TRPC7: variants seen among roughly 807,000 people sequenced by gnomAD.
TRPC7 encodes short transient receptor potential channel 7.
Under a neutral mutation model 90.1 loss-of-function variants are expected in TRPC7, and 42 were observed. The ratio of observed to expected loss-of-function variants is 0.47; its 90% confidence interval spans 0.36 to 0.60. TRPC7 has a LOEUF of 0.60. TRPC7 is among the 20% of genes least tolerant of loss of function. The pLI is 0.00. For missense variants in TRPC7, 955 were observed against 1,112.3 expected, an observed-to-expected ratio of 0.86 and a Z score of 2.01; for synonymous variants, 451 against 436.3, an observed-to-expected ratio of 1.03 and a Z score of -0.42.
intron 3 of TRPC7, among the ~76,000 whole-genome samples, chr5:136,306,805 C>T (rs985098176): frequency 4.3e-4 from 65 of 152,268 alleles, no homozygotes; most frequent in African/African-American, 1.4e-3. Context: ...TTGTAATTCT[C>T]CCCACCCTTG....
intron 7 of TRPC7, among the ~76,000 whole-genome samples, chr5:136,236,731 T>C (rs1350176062): frequency 6.6e-6 from 1 of 152,190 alleles, no homozygotes; most frequent in Non-Finnish European, 1.5e-5. Flanking sequence ...GAGGCAGTTG[T>C]ATACGGGCCT....
At chr5:136,231,644 G>A in intron 7 of TRPC7, 95 bp from the exon 8 acceptor site, 2 of 1,220,592 alleles carry the variant, frequency 1.6e-6, no homozygotes, top group South Asian at 3.1e-5. Flanking sequence ...TCACTCTGTT[G>A]CCTAGGCTGG....
Position 136,356,699 on chromosome 5 carries a change from T to C in TRPC7, c.689A>G (p.Tyr230Cys). The change falls in exon 2 of 12, where the codon TAC (tyrosine) becomes TGC (cysteine). Residue 230 changes from tyrosine (Y) to cysteine (C), a missense_variant. Coordinates refer to ENST00000513104, the MANE Select transcript of TRPC7 (RefSeq NM_020389.3). Reference protein sequence around the residue: ...NAYKGLASAAYLSLSSEDPVL... With the variant: ...NAYKGLASAACLSLSSEDPVL... ...AGGGTCTTCGCTGGACAGGGACAAG[T>C]AGGCAGCACTCGCCAGTCCTTTGTA... 1 of 1,609,180 alleles carries C rather than the reference T, an allele frequency of 6.2e-7. No individual in the cohort carries two copies. Among genetic ancestry groups the C allele is most frequent in the Non-Finnish European group, 8.5e-7 (1 of 1,177,134 alleles).
At chr5:136,252,869 T>C (rs544097112) in intron 5 of TRPC7, among the ~76,000 whole-genome samples, 2 of 152,350 alleles carry the variant, frequency 1.3e-5, no homozygotes, top group South Asian at 4.1e-4. Flanking sequence ...CACAGACTGG[T>C]ACCAGTTGGC....
chr5:136,339,855 C>CAACAA (rs1198259291), intron 2 of TRPC7, among the ~76,000 whole-genome samples: 9 of 108,580 alleles, frequency 8.3e-5, no homozygotes, highest in Admixed American at 3.2e-4. Context: ...ACAACAACAA[C>CAACAA]AACAACAACA....
chr5:136,288,172 C>T (rs554568417), intron 3 of TRPC7, among the ~76,000 whole-genome samples: 3 of 151,966 alleles, frequency 2.0e-5, no homozygotes, highest in Admixed American at 2.0e-4. Context: ...GTCACACAGC[C>T]AGGATGTGAA....
intron 2 of TRPC7, among the ~76,000 whole-genome samples, chr5:136,320,868 C>T (rs935071523): frequency 4.6e-5 from 7 of 152,182 alleles, no homozygotes; most frequent in East Asian, 1.9e-4. Context: ...TCCTCATTAC[C>T]GTTCCCTGCT....
At chr5:136,287,721 AAAAAAAAACCCAG>A (rs1757774927) in intron 3 of TRPC7, among the ~76,000 whole-genome samples, 2 of 147,248 alleles carry the variant, frequency 1.4e-5, no homozygotes, top group Non-Finnish European at 3.0e-5. Context: ...AAAAAAAAAA[AAAAAAAAACCCAG>A]AAAAAAAAAA....
In TRPC7 at chr5:136,349,209, G is replaced by T. The variant is rs187575630; in HGVS notation, c.780+7399C>A. On this transcript the variant is annotated intron_variant, in intron 2 of 11. Transcript: ENST00000513104. ...CAGTAATATGTTAGCAGCACTCTAA[G>T]CTTATTCAGTTTTAGTGTTCTGCAT... 1.2e-4 allele frequency among the ~76,000 whole-genome samples: 18 copies of T among 152,222 alleles called. No homozygotes were observed. The East Asian group carries it at 3.5e-3, about 29-fold the overall frequency.
Position 136,354,267 on chromosome 5 carries a change from C to T in TRPC7, c.780+2341G>A, listed in dbSNP as rs993493486. ...GTAAGGTTTACTGTACAGAAAAAAA[C>T]AAAAAAGAGGCTATATTCCTTAAGA... On this transcript the variant is annotated intron_variant, in intron 2 of 11. Transcript: ENST00000513104. 2.0e-5 allele frequency among the ~76,000 whole-genome samples: 3 copies of T among 151,830 alleles called. No homozygotes were observed. The East Asian group carries it at 5.8e-4, about 29-fold the overall frequency.
chr5:136,219,027 A>G (rs776651725), intron 10 of TRPC7, among the ~76,000 whole-genome samples: 1 of 152,250 alleles, frequency 6.6e-6, no homozygotes, highest in Non-Finnish European at 1.5e-5. Context: ...CAAAGGCTCA[A>G]GATGGTTTAG....
chr5:136,320,501 A>T (rs1759162199), intron 2 of TRPC7, among the ~76,000 whole-genome samples: 2 of 151,924 alleles, frequency 1.3e-5, no homozygotes, highest in South Asian at 4.2e-4. Context: ...TCAGTCACTG[A>T]TCTCTGGGTC....
At chr5:136,362,390 A>G (rs762862201) in intron 1 of TRPC7, among the ~76,000 whole-genome samples, 2 of 152,208 alleles carry the variant, frequency 1.3e-5, no homozygotes, top group Non-Finnish European at 2.9e-5. Flanking sequence ...AACACAATAA[A>G]GCCAGCCTGT....
intron 3 of TRPC7, among the ~76,000 whole-genome samples, chr5:136,282,853 A>C (rs762499093): frequency 4.6e-5 from 7 of 152,190 alleles, no homozygotes; most frequent in Non-Finnish European, 1.0e-4. Flanking sequence ...CCAGGTACCA[A>C]GAACTTTTAG....
At chr5:136,315,940 C>T (rs934067298) in intron 2 of TRPC7, 161 bp from the exon 3 acceptor site, 90 of 683,736 alleles carry the variant, frequency 1.3e-4, no homozygotes, top group Non-Finnish European at 1.9e-4. Flanking sequence ...GTGCAGAAGG[C>T]GGGGCAATTT....
intron 5 of TRPC7, among the ~76,000 whole-genome samples, chr5:136,263,150 G>A (rs114524422): frequency 0.011 from 1,649 of 152,304 alleles, 24 homozygotes; most frequent in African/African-American, 0.038. Flanking sequence ...TACCCAGAGT[G>A]GGGAGATATT....
chr5:136,255,612 T>C (rs1756664550), intron 5 of TRPC7, among the ~76,000 whole-genome samples: 1 of 152,230 alleles, frequency 6.6e-6, no homozygotes, highest in Admixed American at 6.5e-5. Context: ...ATACTTGTTT[T>C]GTTGTAGTGG....
At chr5:136,264,117 G>C (rs1407125707) in intron 5 of TRPC7, among the ~76,000 whole-genome samples, 1 of 152,156 alleles carries the variant, frequency 6.6e-6, no homozygotes, top group Admixed American at 6.5e-5. Flanking sequence ...TCTGCTCTGA[G>C]GGTCAGAAGC....
At chr5:136,295,523 G>A (rs1380191242) in intron 3 of TRPC7, among the ~76,000 whole-genome samples, 2 of 151,958 alleles carry the variant, frequency 1.3e-5, no homozygotes, top group Non-Finnish European at 1.5e-5. Context: ...AGTCCCCAGT[G>A]CCCCCAGTAG....
Sources: gnomAD v4.1 joint callset for allele counts (sites outside exome capture counted in the v4.1 genomes callset) on GRCh38, gnomAD v4.1.1 for gene constraint, MANE v1.5 for transcripts, NCBI Gene and HGNC (gene_info 2026-07-23, HGNC 2026-07-21) for gene names.